OXR1: variants seen among roughly 807,000 people sequenced by gnomAD.
OXR1 encodes oxidation resistance 1.
In OXR1, 41 loss-of-function variants were observed where a neutral mutation model predicts 104.6. That is an observed-to-expected ratio of 0.39 (90% CI 0.31 to 0.51). OXR1 has a LOEUF of 0.51. Ranked by LOEUF, OXR1 falls within the 20% of genes least tolerant of loss-of-function variation. OXR1 has a pLI of 0.77. For synonymous variants in OXR1, 348 were observed against 348.4 expected, an observed-to-expected ratio of 1.00 and a Z score of 0.01; for missense variants, 955 against 1,031.9, an observed-to-expected ratio of 0.93 and a Z score of 1.02.
At chr8:106,524,036 A>G (rs1435342419) in intron 3 of OXR1, among the ~76,000 whole-genome samples, 1 of 152,058 alleles carries the variant, frequency 6.6e-6, no homozygotes, top group East Asian at 1.9e-4. Flanking sequence ...TCGACCTCCC[A>G]AAGTGCTGGG....
At chr8:106,548,083 C>G (rs185227681) in intron 3 of OXR1, among the ~76,000 whole-genome samples, 5 of 152,278 alleles carry the variant, frequency 3.3e-5, no homozygotes, top group Admixed American at 6.5e-5. Context: ...ATTCTCACCA[C>G]CAATGCACAA....
chr8:106,487,494 A>G (rs984172180), intron 2 of OXR1, among the ~76,000 whole-genome samples: 8 of 151,846 alleles, frequency 5.3e-5, no homozygotes, highest in African/African-American at 1.9e-4. Context: ...ACATATGTAT[A>G]CATGTGCCAT....
intron 1 of OXR1, among the ~76,000 whole-genome samples, chr8:106,354,328 A>G (rs1313435629): frequency 3.3e-5 from 5 of 152,210 alleles, no homozygotes; most frequent in Non-Finnish European, 7.4e-5. Flanking sequence ...TGCTCTGCTA[A>G]CATTTATTTG....
At chr8:106,484,547 G>T (rs999159074) in intron 2 of OXR1, among the ~76,000 whole-genome samples, 1 of 151,850 alleles carries the variant, frequency 6.6e-6, no homozygotes, top group Admixed American at 6.6e-5. Context: ...TATACAGATG[G>T]CAAATAAGCA....
At position 106,579,903 on chromosome 8, in the gene OXR1, T is replaced by C. The variant is rs562526984; in HGVS notation, c.220+60764T>C. On this transcript the variant is annotated intron_variant, in intron 3 of 16. Coordinates refer to ENST00000517566, the MANE Select transcript of OXR1 (RefSeq NM_001198533.2). Reference sequence around the variant, plus strand: ...GGCAGCAGAGCAAATGCTTTTATCATCCTAGGCTCACAGCAGAAGCATGTG... The same window carrying C: ...GGCAGCAGAGCAAATGCTTTTATCACCCTAGGCTCACAGCAGAAGCATGTG... 7.3e-5 allele frequency among the ~76,000 whole-genome samples: 11 copies of C among 150,826 alleles called. No individual in the cohort carries two copies. In the East Asian group the frequency reaches 2.1e-3, roughly 29 times the overall value.
intron 2 of OXR1, among the ~76,000 whole-genome samples, chr8:106,496,879 C>T (rs2129912060): frequency 6.6e-6 from 1 of 152,236 alleles, no homozygotes; most frequent in Non-Finnish European, 1.5e-5. Flanking sequence ...ACTAGTGTGG[C>T]CCAATGTGTT....
intron 3 of OXR1, among the ~76,000 whole-genome samples, chr8:106,663,371 T>C (rs947868076): frequency 1.3e-5 from 2 of 152,148 alleles, no homozygotes; most frequent in African/African-American, 4.8e-5. Context: ...GGTATTAAAG[T>C]TAAATTAGTT....
intron 1 of OXR1, among the ~76,000 whole-genome samples, chr8:106,338,453 CT>C (rs906361229): frequency 8.6e-5 from 13 of 151,424 alleles, no homozygotes; most frequent in Admixed American, 6.6e-5. Context: ...ATCCCAGCTA[CT>C]TGGGAGGCTG....
intron 3 of OXR1, among the ~76,000 whole-genome samples, chr8:106,630,405 G>C (rs1006742483): frequency 1.3e-5 from 2 of 152,180 alleles, no homozygotes; most frequent in African/African-American, 4.8e-5. Flanking sequence ...AATGGTAAAG[G>C]TCATGCGTGT....
intron 7 of OXR1, 118 bp from the exon 8 acceptor site, chr8:106,702,788 C>A: frequency 1.4e-6 from 1 of 740,314 alleles, no homozygotes; most frequent in East Asian, 2.7e-5. Flanking sequence ...TGCCACAGTT[C>A]CTGAGTGTAC....
chr8:106,329,193 T>C (rs1814606805), intron 1 of OXR1, among the ~76,000 whole-genome samples: 1 of 151,274 alleles, frequency 6.6e-6, no homozygotes, highest in Admixed American at 6.6e-5. Context: ...GGTTTCACCA[T>C]GTTAGCCAGG....
intron 1 of OXR1, among the ~76,000 whole-genome samples, chr8:106,354,829 A>G (rs1261981768): frequency 6.6e-6 from 1 of 152,140 alleles, no homozygotes; most frequent in African/African-American, 2.4e-5. Flanking sequence ...ACTTCACAGA[A>G]GATTTGTGAA....
At chr8:106,574,471 A>G (rs1242218907) in intron 3 of OXR1, among the ~76,000 whole-genome samples, 1 of 152,260 alleles carries the variant, frequency 6.6e-6, no homozygotes, top group African/African-American at 2.4e-5. Context: ...ACTTCTGTTT[A>G]TCTCTCATTG....
At chr8:106,657,132 C>G (rs1825164865) in intron 3 of OXR1, among the ~76,000 whole-genome samples, 1 of 152,120 alleles carries the variant, frequency 6.6e-6, no homozygotes, top group Non-Finnish European at 1.5e-5. Flanking sequence ...TGTCTAGGTT[C>G]TTTGTCCCTG....
rs570738531 is a variant in OXR1 at position 106,658,282 on chromosome 8, C to T, written c.221-20928C>T. On this transcript the variant is annotated intron_variant, in intron 3 of 16. Transcript: ENST00000517566. ...GCGCCGGGCGGGGGTCGCTGCCCGG[C>T]TCTGGCAGGTGTGCCTGGGCCGGGG... The T allele has an allele frequency of 3.7e-5, 45 of 1,212,200 alleles. No homozygotes were observed. The South Asian group carries it at 1.6e-3, about 43-fold the overall frequency. 75.1% of individuals were successfully genotyped at this position (1,212,200 alleles called of 1,614,324 possible).
chr8:106,741,329 T>A (rs1412536084), intron 14 of OXR1, among the ~76,000 whole-genome samples: 4 of 152,094 alleles, frequency 2.6e-5, no homozygotes, highest in Non-Finnish European at 1.5e-5. Flanking sequence ...GCCAAATGAA[T>A]CTATAGTGGT....
chr8:106,508,504 C>T (rs1196775083), intron 2 of OXR1, among the ~76,000 whole-genome samples: 2 of 152,014 alleles, frequency 1.3e-5, no homozygotes, highest in African/African-American at 4.8e-5. Context: ...TGTGGCATGC[C>T]CTGTCTAGGG....
chr8:106,355,229 C>A (rs1815913798), intron 1 of OXR1, among the ~76,000 whole-genome samples: 1 of 152,010 alleles, frequency 6.6e-6, no homozygotes, highest in Non-Finnish European at 1.5e-5. Context: ...TCACTCTTAG[C>A]AATGTTAGAA....
chr8:106,421,343 G>A (rs1297114594), intron 2 of OXR1, among the ~76,000 whole-genome samples: 2 of 152,100 alleles, frequency 1.3e-5, no homozygotes, highest in African/African-American at 4.8e-5. Flanking sequence ...TTATCTTATT[G>A]CCAAAATAGT....
Sources: gnomAD v4.1 joint callset for allele counts (sites outside exome capture counted in the v4.1 genomes callset) on GRCh38, gnomAD v4.1.1 for gene constraint, MANE v1.5 for transcripts, NCBI Gene and HGNC (gene_info 2026-07-23, HGNC 2026-07-21) for gene names.